DNAAF9: variants seen among roughly 807,000 people sequenced by gnomAD.
DNAAF9 encodes shulin.
A neutral mutation model predicts 167.0 loss-of-function variants in DNAAF9; 90 were observed. That is an observed-to-expected ratio of 0.54 (90% CI 0.45 to 0.64). DNAAF9 has a LOEUF of 0.64. Among genes scored for constraint, DNAAF9 ranks in the 30% least tolerant of loss-of-function variants. The pLI, the probability that DNAAF9 is intolerant of heterozygous loss-of-function variation, is 0.00. For missense variants in DNAAF9, 1,315 were observed against 1,442.2 expected, an observed-to-expected ratio of 0.91 and a Z score of 1.43; for synonymous variants, 491 against 508.8, an observed-to-expected ratio of 0.96 and a Z score of 0.47.
chr20:3,361,450 G>GC (rs2083363562), intron 6 of DNAAF9, among the ~76,000 whole-genome samples: 2 of 152,246 alleles, frequency 1.3e-5, no homozygotes, highest in East Asian at 1.9e-4. Context: ...ACTCTAACAA[G>GC]CCCCCCAGGC....
At chr20:3,294,457 G>T in intron 24 of DNAAF9, 71 bp downstream of exon 24, 1 of 1,053,902 alleles carries the variant, frequency 9.5e-7, no homozygotes, top group South Asian at 1.3e-5. Context: ...AGCTTAAAAG[G>T]ACCAACACTG....
intron 1 of DNAAF9, among the ~76,000 whole-genome samples, chr20:3,390,420 C>T (rs2083811261): frequency 6.8e-6 from 1 of 147,596 alleles, no homozygotes; most frequent in South Asian, 2.1e-4. Context: ...GGCTGGAGTG[C>T]GGTGGCACGA....
At chr20:3,305,952 C>G (rs777985147) in intron 20 of DNAAF9, among the ~76,000 whole-genome samples, 9 of 152,154 alleles carry the variant, frequency 5.9e-5, no homozygotes, top group Non-Finnish European at 1.3e-4. Context: ...CATGCCCCAG[C>G]CTCATCCTGT....
At chr20:3,365,590 C>T (rs1174727819) in intron 6 of DNAAF9, among the ~76,000 whole-genome samples, 1 of 151,976 alleles carries the variant, frequency 6.6e-6, no homozygotes, top group Admixed American at 6.6e-5. Context: ...CAGGGTTTCA[C>T]CATATTGGTC....
rs572127562 is a variant in DNAAF9 at position 3,281,785 on chromosome 20, G to C, written c.2487-19C>G. The C allele has an allele frequency of 1.2e-6, 2 of 1,602,848 alleles. No homozygotes were observed. Among genetic ancestry groups the C allele is most frequent in the African/African-American group, 2.7e-5 (2 of 74,476 alleles). ...TGTGTAGCTGGGGAAGGTAAAAAAGGAATGATTAGTTCACTGACTGGCATT... is the reference window on the plus strand; with the variant it reads ...TGTGTAGCTGGGGAAGGTAAAAAAGCAATGATTAGTTCACTGACTGGCATT... On this transcript the variant is annotated intron_variant, in intron 27 of 36. Transcript: ENST00000252032.
chr20:3,372,829 C>A (rs772405876), intron 6 of DNAAF9, among the ~76,000 whole-genome samples: 2 of 152,148 alleles, frequency 1.3e-5, no homozygotes, highest in Non-Finnish European at 2.9e-5. Context: ...AGAATGAAAT[C>A]AGTCAATTCA....
intron 21 of DNAAF9, among the ~76,000 whole-genome samples, chr20:3,301,887 A>T (rs2069195725): frequency 6.6e-6 from 1 of 152,016 alleles, no homozygotes; most frequent in Non-Finnish European, 1.5e-5. Context: ...ATCACCAAAA[A>T]TGTTTTTCCC....
chr20:3,336,103 A>T (rs143777655), intron 10 of DNAAF9, among the ~76,000 whole-genome samples: 134 of 152,296 alleles, frequency 8.8e-4, no homozygotes, highest in Middle Eastern at 3.4e-3. Context: ...AGCCTGGGTG[A>T]CAGAGCGAGA....
At chr20:3,376,142 G>A (rs1367967542) in intron 4 of DNAAF9, 36 bp downstream of exon 4, 1 of 1,591,170 alleles carries the variant, frequency 6.3e-7, no homozygotes, top group Non-Finnish European at 8.6e-7. Context: ...TATTCTTAGA[G>A]TGTCTCTAGG....
At chr20:3,255,595 T>C (rs1006114797) in intron 34 of DNAAF9, among the ~76,000 whole-genome samples, 1 of 152,120 alleles carries the variant, frequency 6.6e-6, no homozygotes, top group Non-Finnish European at 1.5e-5. Flanking sequence ...AGGGGCAGTC[T>C]GAGGCCCCAC....
At chr20:3,338,106 A>G (rs1046224731) in intron 10 of DNAAF9, among the ~76,000 whole-genome samples, 3 of 150,612 alleles carry the variant, frequency 2.0e-5, no homozygotes, top group Admixed American at 1.3e-4. Context: ...ATACATACAC[A>G]CACACATACA....
chr20:3,293,318 A>AAAAG (rs1399533856), intron 25 of DNAAF9, among the ~76,000 whole-genome samples: 20 of 149,876 alleles, frequency 1.3e-4, no homozygotes, highest in Non-Finnish European at 2.7e-4. Context: ...AAAAAAAAAA[A>AAAAG]AGAGACTTAT....
chr20:3,371,646 A>C (rs1439236490), intron 6 of DNAAF9, among the ~76,000 whole-genome samples: 1 of 152,024 alleles, frequency 6.6e-6, no homozygotes, highest in Non-Finnish European at 1.5e-5. Flanking sequence ...CCCGGCAGAA[A>C]ATCTTTTTTT....
At chr20:3,389,540 GA>G (rs1555800005) in intron 1 of DNAAF9, among the ~76,000 whole-genome samples, 1 of 151,882 alleles carries the variant, frequency 6.6e-6, no homozygotes, top group Non-Finnish European at 1.5e-5. Context: ...GCTGAGGTGG[GA>G]GGATCAACTG....
At chr20:3,331,576 C>A (rs1415030997) in intron 11 of DNAAF9, among the ~76,000 whole-genome samples, 1 of 152,168 alleles carries the variant, frequency 6.6e-6, no homozygotes, top group Non-Finnish European at 1.5e-5. Flanking sequence ...CTCCTAAGTA[C>A]CCTTTTATTA....
At chr20:3,310,333 A>AAAAGAAAGAAAGAAAGAAAGAAAGAAAG (rs376196616) in intron 20 of DNAAF9, among the ~76,000 whole-genome samples, 58 of 106,182 alleles carry the variant, frequency 5.5e-4, no homozygotes, top group South Asian at 1.8e-3. Flanking sequence ...AAGAGAAAGA[A>AAAAGAAAGAAAGAAAGAAAGAAAGAAAG]AAAGAAAGAA....
rs141668222 is a variant in DNAAF9 at position 3,342,002 on chromosome 20, C to T, written c.846-1363G>A. On this transcript the variant is annotated intron_variant, in intron 9 of 36. Transcript: ENST00000252032. ...CCGTGTTAGCCAGGATGGTCTTGAT[C>T]TCCTGACCTCGTGATCCACCCACCT... Among the ~76,000 whole-genome samples, 1,492 of 152,248 alleles carry T rather than the reference C, an allele frequency of 9.8e-3. 33 individuals are homozygous for T. Among genetic ancestry groups the T allele is most frequent in the African/African-American group, 0.035 (1,436 of 41,538 alleles).
At chr20:3,288,085 T>C (rs200315172) in intron 26 of DNAAF9, among the ~76,000 whole-genome samples, 1 of 152,356 alleles carries the variant, frequency 6.6e-6, no homozygotes, top group East Asian at 1.9e-4. Flanking sequence ...AGACTCCTTC[T>C]GACCAGGCAG....
chr20:3,264,616 C>A, intron 30 of DNAAF9, 92 bp from the exon 31 acceptor site: 1 of 738,056 alleles, frequency 1.4e-6, no homozygotes, highest in South Asian at 1.5e-5. Flanking sequence ...TGTCGCCAGG[C>A]TGGAGTGCAG....
Sources: gnomAD v4.1 joint callset for allele counts (sites outside exome capture counted in the v4.1 genomes callset) on GRCh38, gnomAD v4.1.1 for gene constraint, MANE v1.5 for transcripts, NCBI Gene and HGNC (gene_info 2026-07-23, HGNC 2026-07-21) for gene names.